The following KCTD19 variants were observed in gnomAD, a reference collection of about 807,000 sequenced individuals.
KCTD19 encodes the protein potassium channel tetramerization domain containing 19, also known as BTB/POZ domain-containing protein KCTD19.
A neutral mutation model predicts 103.5 loss-of-function variants in KCTD19; 67 were observed. The observed-to-expected ratio is 0.65, with a 90% CI of 0.53 to 0.79. KCTD19 has a LOEUF of 0.79. KCTD19 is among the 30% of genes least tolerant of loss of function. The pLI, the probability that KCTD19 is intolerant of heterozygous loss-of-function variation, is 0.00. For missense variants in KCTD19, 980 were observed against 1,136.1 expected (o/e 0.86, Z 1.98); for synonymous variants, 439 against 452.2 (o/e 0.97, Z 0.37).
At chr16:67,306,735 C>T (rs1202553563) in intron 2 of KCTD19, among the ~76,000 whole-genome samples, 1 of 152,182 alleles carries the variant, frequency 6.6e-6, no homozygotes, top group East Asian at 1.9e-4. Context: ...TTGCATTGCA[C>T]ATAGGGTCCT....
At chr16:67,325,725 G>C (rs1045362370) in intron 1 of KCTD19, among the ~76,000 whole-genome samples, 1 of 152,084 alleles carries the variant, frequency 6.6e-6, no homozygotes, top group South Asian at 2.1e-4. Context: ...GCAGCCTGGC[G>C]ACAGCCCTCA....
In KCTD19 at chr16:67,291,759, G is replaced by C. The variant is rs1176604559; in HGVS notation, c.2297C>G (p.Pro766Arg). 1.9e-6 allele frequency: 3 copies of C among 1,613,980 alleles called. No homozygotes were observed. Among genetic ancestry groups the C allele is most frequent in the African/African-American group, 2.7e-5 (2 of 74,932 alleles). Residue 766 changes from proline to arginine, a missense_variant, in exon 13 of 16, where the codon CCC becomes CGC. By Grantham distance (103) the Pro-to-Arg change is moderately radical (BLOSUM62 -2). Coordinates refer to ENST00000304372, the MANE Select transcript of KCTD19 (RefSeq NM_001100915.3). ...SLGVILKVTHPPVVGSDGFCM... is the reference protein window; with the variant it reads ...SLGVILKVTHRPVVGSDGFCM... ...GAAGCCATCGCTGCCCACCACGGGG[G>C]GGTGAGTCACTTTGAGGATAACCCC...
At position 67,320,226 on chromosome 16, in the gene KCTD19, C is replaced by T. The variant is rs545207021; in HGVS notation, c.300+363G>A. 1.3e-4 allele frequency among the ~76,000 whole-genome samples: 20 copies of T among 152,182 alleles called. No individual in the cohort carries two copies. In the South Asian group the frequency reaches 2.3e-3, roughly 17 times the overall value. On this transcript the variant is annotated intron_variant, in intron 2 of 15. Transcript: ENST00000304372. This position sits in a 1 kb window ranked among gnomAD's most constrained non-coding sequence, Gnocchi z 4.0. The stretch of plus-strand genomic sequence containing the variant: ...AGGAGTTCAAGACCAATCTGGTCAA[C>T]ATGGAAAGGATTGGCCGGGCATGGT...
rs921764183 is a variant in KCTD19 at position 67,293,601 on chromosome 16, G to T, written c.2161C>A (p.Pro721Thr). The T allele has an allele frequency of 6.2e-7, 1 of 1,613,654 alleles. No individual in the cohort carries two copies. The highest frequency in any genetic ancestry group is 8.5e-7 in the Non-Finnish European group (1 of 1,179,992). ...GPEPTFKPYL[P>T]PKRAGTLKDW... ...TTCAGGGTGCCAGCTCTTTTTGGGG[G>T]TAAGTATGGCTTGAAGGTTGGCTCT... Residue 721 changes from proline to threonine, a missense_variant, in exon 12 of 16, where the codon CCC becomes ACC. Pro to Thr is a conservative substitution (Grantham distance 38, BLOSUM62 -1). Coordinates refer to ENST00000304372, the MANE Select transcript of KCTD19 (RefSeq NM_001100915.3). The surrounding 1 kb of genome is among the most constrained non-coding windows in gnomAD (Gnocchi z 4.0).
chr16:67,299,299 A>T (rs2036804869), intron 6 of KCTD19, 64 bp downstream of exon 6: 1 of 1,484,312 alleles, frequency 6.7e-7, no homozygotes, highest in Non-Finnish European at 9.4e-7. Context: ...GCCCCAGGTT[A>T]TTCCTAGAGG....
rs190396994 is a variant in KCTD19 at position 67,310,075 on chromosome 16, C to T, written c.301-5504G>A. ...CAGGAGCCTCAACAAGGCTGTTTCCCGAACTCTGTCAACCAATACTTGCTC... is the reference window on the plus strand; with the variant it reads ...CAGGAGCCTCAACAAGGCTGTTTCCTGAACTCTGTCAACCAATACTTGCTC... On this transcript the variant is annotated intron_variant, in intron 2 of 15. Transcript: ENST00000304372. Among the ~76,000 whole-genome samples the T allele has an allele frequency of 1.1e-4, 17 of 152,324 alleles. No individual in the cohort carries two copies. The South Asian group carries it at 2.5e-3, about 22-fold the overall frequency.
At chr16:67,301,694 C>A in intron 5 of KCTD19, 97 bp downstream of exon 5, 1 of 1,204,226 alleles carries the variant, frequency 8.3e-7, no homozygotes, top group East Asian at 2.4e-5. Flanking sequence ...CACTAACCCC[C>A]AAAGCCCGAA....
chr16:67,291,095 C>T (rs1271595605), intron 14 of KCTD19, 109 bp from the exon 15 acceptor site: 35 of 1,256,906 alleles, frequency 2.8e-5, no homozygotes, highest in East Asian at 5.0e-5. Flanking sequence ...GGGTAGGGGG[C>T]GGGCACTGTC....
chr16:67,293,915 A>G lies in KCTD19; in HGVS notation c.1847T>C (p.Ile616Thr). ...ESPPKKKCTT[I>T]NLTQKSETKD... ...GGTTTCAGATTTCTGTGTGAGGTTGATTGTGGTGCATTTCTTCTTTGGGGG... is the reference window on the plus strand; with the variant it reads ...GGTTTCAGATTTCTGTGTGAGGTTGGTTGTGGTGCATTTCTTCTTTGGGGG... The change falls in exon 12 of 16, where the codon ATC (isoleucine) becomes ACC (threonine). Residue 616 changes from isoleucine to threonine, a missense_variant. Transcript: ENST00000304372. This position sits in a 1 kb window ranked among gnomAD's most constrained non-coding sequence, Gnocchi z 4.0. 1 of 1,613,658 alleles carries G rather than the reference A, an allele frequency of 6.2e-7. No homozygotes were observed. The highest frequency in any genetic ancestry group is 8.5e-7 in the Non-Finnish European group (1 of 1,179,962).
In KCTD19 at chr16:67,294,753, G is replaced by A. The variant is rs1000625039; in HGVS notation, c.1476-59C>T. On this transcript the variant is annotated intron_variant, in intron 10 of 15. Transcript: ENST00000304372. Reference sequence around the variant, plus strand: ...GAGACTTCCATCAGGCCATTGGCCAGTTGGTCAGATCTGCTCTTTGGCTGG... The same window carrying A: ...GAGACTTCCATCAGGCCATTGGCCAATTGGTCAGATCTGCTCTTTGGCTGG... The A allele has an allele frequency of 1.9e-5, 24 of 1,256,296 alleles. 1 individual carries two copies. In the African/African-American group the frequency reaches 3.5e-4, roughly 18 times the overall value. The allele number at this position is 1,256,296 out of a possible 1,614,324, so 77.8% of individuals were successfully genotyped here.
At chr16:67,318,437 C>T (rs1363262714) in intron 2 of KCTD19, among the ~76,000 whole-genome samples, 2 of 151,922 alleles carry the variant, frequency 1.3e-5, no homozygotes, top group East Asian at 3.9e-4. Context: ...TGGCACAAGC[C>T]TGTAATCCCA....
Position 67,293,636 on chromosome 16 carries a change from T to C in KCTD19, c.2126A>G (p.Asp709Gly), listed in dbSNP as rs1191490838. The change falls in exon 12 of 16, where the codon GAC becomes GGC. Residue 709 changes from aspartate (D) to glycine (G), a missense_variant. Asp to Gly is a moderately conservative substitution (Grantham distance 94). Coordinates refer to ENST00000304372, the MANE Select transcript of KCTD19 (RefSeq NM_001100915.3). This position sits in a 1 kb window ranked among gnomAD's most constrained non-coding sequence, Gnocchi z 4.0. ...CTTGAAGGTTGGCTCTGGCCCCTTGTCTTTCGCTCCAGCTCCAGCCCCTGC... is the reference window on the plus strand; with the variant it reads ...CTTGAAGGTTGGCTCTGGCCCCTTGCCTTTCGCTCCAGCTCCAGCCCCTGC... ...PQAGAGAGAK[D>G]KGPEPTFKPY... 6.2e-7 allele frequency: 1 copy of C among 1,613,110 alleles called. No homozygotes were observed. The highest frequency in any genetic ancestry group is 1.3e-5 in the African/African-American group (1 of 74,860).
chr16:67,320,618 A>G lies in KCTD19; in HGVS notation c.271T>C (p.Leu91=), dbSNP rs761516255. The part of the protein sequence containing the change: ...AELNLLYEQA[L]GLQLMPLLQT... Reference sequence around the variant, plus strand: ...AGCAAAGGCATCAGCTGCAAACCCAATGCTTGCTCATACAGCAAGTTCAGT... The same window carrying G: ...AGCAAAGGCATCAGCTGCAAACCCAGTGCTTGCTCATACAGCAAGTTCAGT... The change falls in exon 2 of 16, where the codon TTG becomes CTG. Residue 91 remains leucine, a synonymous_variant. Transcript: ENST00000304372. The surrounding 1 kb of genome is among the most constrained non-coding windows in gnomAD (Gnocchi z 4.0). 8.1e-6 allele frequency: 13 copies of G among 1,614,226 alleles called. No homozygotes were observed. The highest frequency in any genetic ancestry group is 1.3e-5 in the African/African-American group (1 of 75,064).
At position 67,320,022 on chromosome 16, in the gene KCTD19, GGATAGTAAATC is replaced by G. The variant is rs1225912545; in HGVS notation, c.300+556_300+566del. Among the ~76,000 whole-genome samples, 2 of 152,210 alleles carry G rather than the reference GGATAGTAAATC, an allele frequency of 1.3e-5. No individual in the cohort carries two copies. The highest frequency in any genetic ancestry group is 1.3e-4 in the Admixed American group (2 of 15,274). On this transcript the variant is annotated intron_variant, in intron 2 of 15. Coordinates refer to ENST00000304372, the MANE Select transcript of KCTD19 (RefSeq NM_001100915.3). The surrounding 1 kb of genome is among the most constrained non-coding windows in gnomAD (Gnocchi z 4.0). Reference sequence around the variant, plus strand: ...CAAGAGCCAGGGGCACCCTCTCAGTGGATAGTAAATCCCATTCTGGGTCCATGGTGGCTGCT... The same window carrying G: ...CAAGAGCCAGGGGCACCCTCTCAGTGCCATTCTGGGTCCATGGTGGCTGCT...
At chr16:67,321,598 T>C (rs1278756471) in intron 1 of KCTD19, 3 of 152,042 alleles carry the variant, frequency 2.0e-5, no homozygotes, top group Non-Finnish European at 4.4e-5. Flanking sequence ...GGATCCAGAA[T>C]AGCTAAAACA....
chr16:67,294,875 G>A, intron 10 of KCTD19, 98 bp downstream of exon 10: 1 of 1,098,408 alleles, frequency 9.1e-7, no homozygotes, highest in African/African-American at 1.5e-5. Context: ...CAACCCCAAG[G>A]AGATCAGGAT....
intron 4 of KCTD19, 178 bp from the exon 5 acceptor site, chr16:67,302,100 C>T: frequency 1.8e-6 from 1 of 569,214 alleles, no homozygotes; most frequent in East Asian, 3.3e-5. Flanking sequence ...AGGCGAAAGA[C>T]CCCACATTAC....
intron 1 of KCTD19, 27 bp downstream of exon 1, chr16:67,326,678 G>T (rs2142534312): frequency 6.3e-7 from 1 of 1,579,226 alleles, no homozygotes. Context: ...GGTGCTTTTG[G>T]CGCCCCCGCC....
intron 2 of KCTD19, among the ~76,000 whole-genome samples, chr16:67,309,612 C>T (rs918065288): frequency 6.6e-6 from 1 of 152,248 alleles, no homozygotes; most frequent in Non-Finnish European, 1.5e-5. Flanking sequence ...CTGCCACTTA[C>T]TTCACCTACA....
Sources: allele counts gnomAD v4.1 joint callset (sites outside exome capture counted in the v4.1 genomes callset), GRCh38; gene constraint gnomAD v4.1.1; non-coding constraint Gnocchi (gnomAD v3.1); transcripts MANE v1.5; gene names NCBI Gene and HGNC (gene_info 2026-07-23, HGNC 2026-07-21).